The following LRRC37A2 variants were observed in gnomAD, a reference collection of about 807,000 sequenced individuals.
LRRC37A2 encodes leucine-rich repeat-containing protein 37A2.
A neutral mutation model predicts 68.8 loss-of-function variants in LRRC37A2; 9 were observed. That is an observed-to-expected ratio of 0.13 (90% confidence interval 0.08 to 0.23). The LOEUF (loss-of-function observed/expected upper bound fraction) is 0.23. Among genes scored for constraint, LRRC37A2 ranks in the 10% least tolerant of loss-of-function variants. The pLI, the probability that LRRC37A2 is intolerant of heterozygous loss-of-function variation, is 1.00. For missense variants in LRRC37A2, 168 were observed against 950.4 expected, an observed-to-expected ratio of 0.18 and a Z score of 10.82; for synonymous variants, 63 against 367.6, an observed-to-expected ratio of 0.17 and a Z score of 9.48.
chr17:46,965,241 C>A, the LRRC37A2 span, among the ~76,000 whole-genome samples: 1 of 152,304 alleles, frequency 6.6e-6, no homozygotes, highest in Admixed American at 6.5e-5. Context: ...CAAACCTGTC[C>A]CAGTCTTTAC....
At chr17:46,821,743 G>A in the LRRC37A2 span, among the ~76,000 whole-genome samples, 1 of 152,180 alleles carries the variant, frequency 6.6e-6, no homozygotes, top group African/African-American at 2.4e-5. Flanking sequence ...ACCTGGGAAG[G>A]GGACCCCAGT....
intron 4 of LRRC37A2, among the ~76,000 whole-genome samples, chr17:46,522,436 C>CTTTGT (rs540067163): frequency 8.3e-5 from 10 of 120,424 alleles, no homozygotes; most frequent in Admixed American, 1.6e-4. Context: ...AAATGTGAGA[C>CTTTGT]TTGTTTGTTT....
chr17:46,960,107 A>G, the LRRC37A2 span, among the ~76,000 whole-genome samples: 1 of 152,252 alleles, frequency 6.6e-6, no homozygotes, highest in Non-Finnish European at 1.5e-5. Context: ...CCTGAATAAT[A>G]TATCTACCAA....
the LRRC37A2 span, among the ~76,000 whole-genome samples, chr17:46,839,956 C>CTTTCTTTCTTTCTTTCTT: frequency 6.8e-6 from 1 of 147,182 alleles, no homozygotes. Context: ...TTCTTTCTTT[C>CTTTCTTTCTTTCTTTCTT]TTTCTTTCTT....
chr17:46,961,452 T>A, the LRRC37A2 span, among the ~76,000 whole-genome samples: 1 of 152,130 alleles, frequency 6.6e-6, no homozygotes, highest in African/African-American at 2.4e-5. Context: ...AGAGGATTGC[T>A]TAAGCTCAGG....
the LRRC37A2 span, among the ~76,000 whole-genome samples, chr17:46,820,691 AGTG>A: frequency 1.3e-5 from 2 of 152,274 alleles, no homozygotes; most frequent in Admixed American, 1.3e-4. Context: ...AGGCTCTGGC[AGTG>A]GAGAGCTTTC....
the LRRC37A2 span, among the ~76,000 whole-genome samples, chr17:46,828,056 G>C: frequency 1.3e-5 from 2 of 151,668 alleles, no homozygotes; most frequent in Admixed American, 6.6e-5. Flanking sequence ...ATGATCCGCC[G>C]ACCTCATGAT....
At chr17:46,912,064 T>C in the LRRC37A2 span, among the ~76,000 whole-genome samples, 4 of 152,074 alleles carry the variant, frequency 2.6e-5, no homozygotes, top group Non-Finnish European at 4.4e-5. Flanking sequence ...ACACCCACGA[T>C]TGACCAGAAG....
chr17:46,818,302 G>A, the LRRC37A2 span, among the ~76,000 whole-genome samples: 754 of 151,192 alleles, frequency 5.0e-3, 5 homozygotes, highest in African/African-American at 0.016. Context: ...CCCCTGCAGC[G>A]GGGAGCAGGG....
chr17:46,910,085 G>T, the LRRC37A2 span: 1 of 153,256 alleles, frequency 6.5e-6, no homozygotes, highest in Non-Finnish European at 1.4e-5. Context: ...ACTGGATGGG[G>T]GGTCAGGACA....
chr17:46,880,040 T>A, the LRRC37A2 span, among the ~76,000 whole-genome samples: 7 of 152,242 alleles, frequency 4.6e-5, no homozygotes, highest in Admixed American at 4.6e-4. Context: ...TGTTTTCCAC[T>A]GGATTTCTGG....
the LRRC37A2 span, among the ~76,000 whole-genome samples, chr17:46,707,939 A>C: frequency 3.3e-5 from 5 of 151,892 alleles, no homozygotes; most frequent in African/African-American, 1.2e-4. Flanking sequence ...AGGCTGAGAC[A>C]TGAGAATCAT....
the LRRC37A2 span, among the ~76,000 whole-genome samples, chr17:46,903,972 G>A: frequency 4.6e-5 from 7 of 151,720 alleles, no homozygotes; most frequent in Non-Finnish European, 8.8e-5. Flanking sequence ...TGTGTGTGTG[G>A]GTGGATGGTG....
At chr17:47,036,215 T>C in the LRRC37A2 span, among the ~76,000 whole-genome samples, 2 of 152,198 alleles carry the variant, frequency 1.3e-5, no homozygotes, top group Non-Finnish European at 1.5e-5. Context: ...TTTGGTGTCA[T>C]GTGTGTGTAT....
At chr17:46,917,156 A>C in the LRRC37A2 span, 1 of 152,160 alleles carries the variant, frequency 6.6e-6, no homozygotes, top group East Asian at 1.9e-4. Context: ...TAGTCCCAAA[A>C]GTCTTAACTC....
At chr17:46,853,471 A>C in the LRRC37A2 span, among the ~76,000 whole-genome samples, 4 of 147,050 alleles carry the variant, frequency 2.7e-5, no homozygotes, top group Admixed American at 2.8e-4. Context: ...TCATGGGTTC[A>C]AGCGATTCTC....
chr17:46,822,415 ATAGTAGG>A, the LRRC37A2 span, among the ~76,000 whole-genome samples: 4 of 152,360 alleles, frequency 2.6e-5, no homozygotes, highest in Admixed American at 2.0e-4. Flanking sequence ...GAGTAAGCGC[ATAGTAGG>A]TAAGCACCAG....
the LRRC37A2 span, chr17:46,773,629 C>CA: frequency 5.1e-5 from 26 of 513,062 alleles, no homozygotes; most frequent in South Asian, 8.7e-5. Flanking sequence ...TCCCTCCCCC[C>CA]ACCCAGCCCC....
the LRRC37A2 span, among the ~76,000 whole-genome samples, chr17:46,856,666 T>A: frequency 6.6e-6 from 1 of 152,032 alleles, no homozygotes; most frequent in Non-Finnish European, 1.5e-5. Context: ...GTATTTTTAG[T>A]GAAGACACGG....
Sources: allele counts gnomAD v4.1 joint callset (sites outside exome capture counted in the v4.1 genomes callset), GRCh38; gene constraint gnomAD v4.1.1; transcripts MANE v1.5; gene names NCBI Gene and HGNC (gene_info 2026-07-23, HGNC 2026-07-21).